Variants in APOC3 observed in about 807,000 individuals in gnomAD.
The protein encoded by APOC3 is apolipoprotein C3, also known as apolipoprotein C-III.
A neutral mutation model predicts 7.3 loss-of-function variants in APOC3; 6 were observed. The observed-to-expected ratio is 0.82, with a 90% CI of 0.45 to 1.61. APOC3 has a LOEUF of 1.61. APOC3 is among the 40% of genes most tolerant of loss of function. The pLI, the probability that APOC3 is intolerant of heterozygous loss-of-function variation, is 0.01. For missense variants in APOC3, 123 were observed against 124.9 expected (o/e 0.98, Z 0.07); for synonymous variants, 45 against 51.2 (o/e 0.88, Z 0.52).
rs760184875 is a variant in APOC3 at position 116,830,651 on chromosome 11, G to A, written c.55+14G>A. 2.2e-5 allele frequency: 36 copies of A among 1,613,736 alleles called. No individual in the cohort carries two copies. The highest frequency in any genetic ancestry group is 1.5e-4 in the Admixed American group (9 of 60,004). On this transcript the variant is annotated intron_variant, in intron 2 of 3. Transcript: ENST00000227667. ...TGGCCTCTGCCCGTAAGCACTTGGT[G>A]GGACTGGGCTGGGGGCAGGGTGGAG...
intron 1 of APOC3, 198 bp from the exon 2 acceptor site, chr11:116,830,372 C>A: frequency 4.7e-6 from 3 of 632,752 alleles, no homozygotes; most frequent in Middle Eastern, 4.2e-4. Flanking sequence ...CTGCTCCATC[C>A]CACCCACCTC....
At chr11:116,831,020 T>C in intron 3 of APOC3, 124 bp downstream of exon 3, 3 of 1,183,956 alleles carry the variant, frequency 2.5e-6, no homozygotes, top group South Asian at 1.4e-5. Context: ...CCTGTGCCTC[T>C]TCAGCCTCCT....
At position 116,833,028 on chromosome 11, in the gene APOC3, A is replaced by G. The variant is rs1243071828; in HGVS notation, c.*144A>G. Reference sequence around the variant, plus strand: ...CCCACCTCATGCCTGGCCCCCCTCCAGGCATGCTGGCCTCCCAATAAAGCT... The same window carrying G: ...CCCACCTCATGCCTGGCCCCCCTCCGGGCATGCTGGCCTCCCAATAAAGCT... On this transcript the variant is annotated 3_prime_UTR_variant, in exon 4 of 4. Transcript: ENST00000227667. 7 of 1,173,656 alleles carry G rather than the reference A, an allele frequency of 6.0e-6. No individual in the cohort carries two copies. The highest frequency in any genetic ancestry group is 6.2e-6 in the Non-Finnish European group (5 of 807,018). 72.7% of individuals were successfully genotyped at this position (1,173,656 alleles called of 1,614,324 possible).
intron 3 of APOC3, 102 bp downstream of exon 3, chr11:116,830,998 G>C: frequency 1.4e-6 from 2 of 1,401,778 alleles, no homozygotes; most frequent in Non-Finnish European, 1.9e-6. Flanking sequence ...AGGTGCTCCA[G>C]CCTCCCCTGG....
At position 116,830,654 on chromosome 11, in the gene APOC3, A is replaced by G. The variant is rs1440212049; in HGVS notation, c.55+17A>G. On this transcript the variant is annotated intron_variant, in intron 2 of 3. Coordinates refer to ENST00000227667, the MANE Select transcript of APOC3 (RefSeq NM_000040.3). The stretch of plus-strand genomic sequence containing the variant: ...CCTCTGCCCGTAAGCACTTGGTGGG[A>G]CTGGGCTGGGGGCAGGGTGGAGGCA... 1 of 1,613,628 alleles carries G rather than the reference A, an allele frequency of 6.2e-7. No homozygotes were observed. The highest frequency in any genetic ancestry group is 2.2e-5 in the East Asian group (1 of 44,836).
chr11:116,830,626 TG>T lies in APOC3; in HGVS notation c.46del (p.Ala16ProfsTer21). On this transcript the variant is annotated frameshift_variant, in exon 2 of 4. Transcript: ENST00000227667. LOFTEE classifies it high-confidence loss of function. ...CTTGTTGTTGCCCTCCTGGCGCTCC[TG>T]GCCTCTGCCCGTAAGCACTTGGTGG... ...VLLVVALLAL[L>X]ASARASEAED... is the part of the protein sequence containing the mutation. 1 of 1,613,928 alleles carries T rather than the reference TG, an allele frequency of 6.2e-7. No individual in the cohort carries two copies. Among genetic ancestry groups the T allele is most frequent in the Non-Finnish European group, 8.5e-7 (1 of 1,179,980 alleles).
chr11:116,832,165 T>C (rs1263545610), intron 3 of APOC3, among the ~76,000 whole-genome samples: 1 of 151,864 alleles, frequency 6.6e-6, no homozygotes, highest in East Asian at 1.9e-4. Context: ...ATCAGTACTC[T>C]CCTCTCCCCT....
rs1941438812 is a variant in APOC3 at position 116,830,853 on chromosome 11, G to A, written c.136G>A (p.Ala46Thr). 1.2e-6 allele frequency: 2 copies of A among 1,613,050 alleles called. No homozygotes were observed. The highest frequency in any genetic ancestry group is 2.2e-5 in the South Asian group (2 of 91,072). ...GCACGCCACCAAGACCGCCAAGGAT[G>A]CACTGAGCAGCGTGCAGGAGTCCCA... ...MKHATKTAKD[A>T]LSSVQESQVA... Residue 46 changes from alanine to threonine, a missense_variant, in exon 3 of 4, where the codon GCA becomes ACA. Coordinates refer to ENST00000227667, the MANE Select transcript of APOC3 (RefSeq NM_000040.3).
At chr11:116,831,282 TC>T (rs201402851) in intron 3 of APOC3, among the ~76,000 whole-genome samples, 43 of 25,782 alleles carry the variant, frequency 1.7e-3, no homozygotes, top group East Asian at 0.01. Flanking sequence ...TTTCTTTCTT[TC>T]CTTTCTTTCT....
intron 3 of APOC3, 83 bp downstream of exon 3, chr11:116,830,979 A>C: frequency 1.1e-5 from 16 of 1,512,260 alleles, no homozygotes; most frequent in Middle Eastern, 2.2e-4. Flanking sequence ...GATCCCAACA[A>C]TGGAATGGAG....
Position 116,832,885 on chromosome 11 carries a change from G to A in APOC3, c.*1G>A. ...ACCAACTTCAGCCGTGGCTGCCTGA[G>A]ACCTCAATACCCCAAGTCCACCTGC... On this transcript the variant is annotated 3_prime_UTR_variant, in exon 4 of 4. Transcript: ENST00000227667. 1 of 1,613,702 alleles carries A rather than the reference G, an allele frequency of 6.2e-7. No homozygotes were observed. Among genetic ancestry groups the A allele is most frequent in the Non-Finnish European group, 8.5e-7 (1 of 1,180,024 alleles).
At chr11:116,831,113 C>T (rs1941442094) in intron 3 of APOC3, 1 of 639,580 alleles carries the variant, frequency 1.6e-6, no homozygotes, top group Non-Finnish European at 2.7e-6. Flanking sequence ...CCTCCTTTCT[C>T]CCCGGAGCAG....
At chr11:116,830,688 A>T in intron 2 of APOC3, 51 bp downstream of exon 2, 1 of 1,613,240 alleles carries the variant, frequency 6.2e-7, no homozygotes, top group East Asian at 2.2e-5. Flanking sequence ...CAACTTGGGG[A>T]TCCCAGTCCC....
chr11:116,832,479 C>A (rs1298176017), intron 3 of APOC3, among the ~76,000 whole-genome samples: 1 of 152,212 alleles, frequency 6.6e-6, no homozygotes, highest in Non-Finnish European at 1.5e-5. Flanking sequence ...TTCACATCTC[C>A]CCACCCTGTC....
intron 1 of APOC3, 186 bp from the exon 2 acceptor site, chr11:116,830,384 C>T (rs1941432141): frequency 1.5e-6 from 1 of 653,048 alleles, no homozygotes; most frequent in South Asian, 1.8e-5. Flanking sequence ...ACCCACCTCC[C>T]TTTGGGCCTC....
intron 2 of APOC3, 27 bp downstream of exon 2, chr11:116,830,664 G>C (rs371805175): frequency 1.4e-5 from 22 of 1,613,558 alleles, no homozygotes; most frequent in African/African-American, 2.7e-5. Context: ...ACTGGGCTGG[G>C]GGCAGGGTGG....
chr11:116,833,059 A>G lies in APOC3; in HGVS notation c.*175A>G. 1 of 914,758 alleles carries G rather than the reference A, an allele frequency of 1.1e-6. No homozygotes were observed. The highest frequency in any genetic ancestry group is 1.7e-6 in the Non-Finnish European group (1 of 584,716). The allele number at this position is 914,758 out of a possible 1,614,324, so 56.7% of individuals were successfully genotyped here. Reference sequence around the variant, plus strand: ...GCTGGCCTCCCAATAAAGCTGGACAAGAAGCTGCTATGAGTGGGCCGTCGC... The same window carrying G: ...GCTGGCCTCCCAATAAAGCTGGACAGGAAGCTGCTATGAGTGGGCCGTCGC... On this transcript the variant is annotated 3_prime_UTR_variant, in exon 4 of 4. Coordinates refer to ENST00000227667, the MANE Select transcript of APOC3 (RefSeq NM_000040.3).
At position 116,831,215 on chromosome 11, in the gene APOC3, T is replaced by TTC. The variant is rs1491176059; in HGVS notation, c.179+321_179+322dup. 6.4e-4 allele frequency: 107 copies of TTC among 166,722 alleles called. 3 individuals are homozygous for TTC. Among genetic ancestry groups the TTC allele is most frequent in the African/African-American group, 4.0e-3 (102 of 25,708 alleles). 10.3% of individuals were successfully genotyped at this position (166,722 alleles called of 1,614,324 possible). On this transcript the variant is annotated intron_variant, in intron 3 of 3. Transcript: ENST00000227667. ...TTTCTTTCTTTCTTTCTTTCTTTCT[T>TTC]TCTTTCTTTCTTTCTTTCTTTCTTT...
Position 116,830,578 on chromosome 11 carries a change from G to T in APOC3, c.-5G>T. Reference sequence around the variant, plus strand: ...AGGACACTTCCTTGCAGGAACAGAGGTGCCATGCAGCCCCGGGTACTCCTT... The same window carrying T: ...AGGACACTTCCTTGCAGGAACAGAGTTGCCATGCAGCCCCGGGTACTCCTT... On this transcript the variant is annotated 5_prime_UTR_variant, in exon 2 of 4. Transcript: ENST00000227667. 1.2e-6 allele frequency: 2 copies of T among 1,613,962 alleles called. No homozygotes were observed. Among genetic ancestry groups the T allele is most frequent in the Non-Finnish European group, 1.7e-6 (2 of 1,179,996 alleles).
Sources: gnomAD v4.1 joint callset for allele counts (sites outside exome capture counted in the v4.1 genomes callset) on GRCh38, gnomAD v4.1.1 for gene constraint, MANE v1.5 for transcripts, NCBI Gene and HGNC (gene_info 2026-07-23, HGNC 2026-07-21) for gene names.